Variants in KCNIP4 observed in about 807,000 individuals in gnomAD.
KCNIP4 encodes Kv channel-interacting protein 4.
Under a neutral mutation model 34.0 loss-of-function variants are expected in KCNIP4, and 12 were observed. The ratio of observed to expected loss-of-function variants is 0.35; its 90% confidence interval spans 0.23 to 0.57. KCNIP4 has a LOEUF of 0.57. KCNIP4 is among the 20% of genes least tolerant of loss of function. The probability of loss-of-function intolerance (pLI) is 0.83; values close to 1 mark genes in which losing one functional copy is unlikely to be tolerated. For synonymous variants in KCNIP4, 124 were observed against 102.2 expected (o/e 1.21, Z -1.29); for missense variants, 238 against 311.7 (o/e 0.76, Z 1.78).
intron 1 of KCNIP4, among the ~76,000 whole-genome samples, chr4:21,171,011 C>T (rs1753986644): frequency 6.6e-6 from 1 of 152,112 alleles, no homozygotes; most frequent in South Asian, 2.1e-4. Flanking sequence ...CTTTTTAACT[C>T]TAACTTGTAG....
chr4:21,668,682 T>C (rs1243539553), intron 1 of KCNIP4, among the ~76,000 whole-genome samples: 1 of 152,168 alleles, frequency 6.6e-6, no homozygotes. Context: ...TCTTTGATAA[T>C]CCACAAAAGT....
chr4:21,334,173 C>T (rs1715929016), intron 1 of KCNIP4, among the ~76,000 whole-genome samples: 2 of 152,002 alleles, frequency 1.3e-5, no homozygotes, highest in Non-Finnish European at 1.5e-5. Flanking sequence ...TCAAGTCTCT[C>T]CTCCACTCTG....
In KCNIP4 at chr4:20,949,836, C is replaced by T. The variant is rs538673502; in HGVS notation, c.62-67127G>A. On this transcript the variant is annotated intron_variant, in intron 1 of 8. Transcript: ENST00000382152. ...GAATACATGGACACAGGAAGGGGAACGTCACACTCTGGGGACGGTTGGGGG... is the reference window on the plus strand; with the variant it reads ...GAATACATGGACACAGGAAGGGGAATGTCACACTCTGGGGACGGTTGGGGG... Among the ~76,000 whole-genome samples, 649 of 128,616 alleles carry T rather than the reference C, an allele frequency of 5.0e-3. 3 individuals are homozygous for T. The highest frequency in any genetic ancestry group is 7.7e-3 in the Non-Finnish European group (493 of 64,280). The allele number at this position is 128,616 out of a possible 152,430, so 84.4% of individuals were successfully genotyped here.
intron 5 of KCNIP4, among the ~76,000 whole-genome samples, chr4:20,736,968 GTAGAA>G (rs1454283980): frequency 6.6e-6 from 1 of 152,154 alleles, no homozygotes; most frequent in Non-Finnish European, 1.5e-5. Context: ...ATATAGAACA[GTAGAA>G]TAGAATTGAG....
At chr4:21,401,294 T>G (rs978256988) in intron 1 of KCNIP4, among the ~76,000 whole-genome samples, 1 of 152,238 alleles carries the variant, frequency 6.6e-6, no homozygotes, top group African/African-American at 2.4e-5. Flanking sequence ...CAGTCTAGAA[T>G]AATCTCATTT....
At chr4:21,191,221 C>T (rs1045534637) in intron 1 of KCNIP4, among the ~76,000 whole-genome samples, 1 of 152,132 alleles carries the variant, frequency 6.6e-6, no homozygotes, top group African/African-American at 2.4e-5. Flanking sequence ...TTCTGAGTCA[C>T]CTTTTCAGCA....
chr4:21,437,880 AGT>A (rs71655635), intron 1 of KCNIP4, among the ~76,000 whole-genome samples: 43,715 of 142,858 alleles, frequency 0.31, 6,551 homozygotes, highest in East Asian at 0.41. Context: ...TTATTTTACA[AGT>A]GTGTGTGTGT....
intron 1 of KCNIP4, among the ~76,000 whole-genome samples, chr4:21,444,426 CATG>C (rs1171629432): frequency 6.6e-6 from 1 of 152,268 alleles, no homozygotes; most frequent in African/African-American, 2.4e-5. Flanking sequence ...GCTTATCCAC[CATG>C]ATCAAGTGGG....
In KCNIP4 at chr4:21,232,398, T is replaced by A. The variant is rs116237547; in HGVS notation, c.62-349689A>T. ...TGGACTTTATCATTGACTATACAGA[T>A]AAAAAGAAGGAATTCAATAAAAGAA... On this transcript the variant is annotated intron_variant, in intron 1 of 8. Transcript: ENST00000382152. Among the ~76,000 whole-genome samples the A allele has an allele frequency of 7.2e-3, 1,096 of 152,196 alleles. 15 individuals are homozygous for A. Among genetic ancestry groups the A allele is most frequent in the African/African-American group, 0.026 (1,064 of 41,534 alleles).
At chr4:21,665,125 T>C (rs1748744384) in intron 1 of KCNIP4, among the ~76,000 whole-genome samples, 1 of 152,162 alleles carries the variant, frequency 6.6e-6, no homozygotes, top group Admixed American at 6.5e-5. Flanking sequence ...AATAAATCAC[T>C]TCTGTTATTT....
chr4:21,883,818 T>G (rs145239091), intron 1 of KCNIP4, among the ~76,000 whole-genome samples: 1 of 152,220 alleles, frequency 6.6e-6, no homozygotes, highest in East Asian at 1.9e-4. Flanking sequence ...CAATAGCTTA[T>G]TGATGAAACA....
intron 1 of KCNIP4, among the ~76,000 whole-genome samples, chr4:20,902,205 C>T (rs967858216): frequency 6.6e-6 from 1 of 152,126 alleles, no homozygotes; most frequent in Non-Finnish European, 1.5e-5. Flanking sequence ...AGGGTTGATA[C>T]ACTTCAAAAA....
chr4:21,598,515 G>C (rs575520928), intron 1 of KCNIP4, among the ~76,000 whole-genome samples: 21 of 152,114 alleles, frequency 1.4e-4, no homozygotes, highest in African/African-American at 5.1e-4. Context: ...ACAAAACCAG[G>C]CAGGCAGCAG....
intron 1 of KCNIP4, among the ~76,000 whole-genome samples, chr4:21,263,993 A>G (rs1246284219): frequency 5.4e-5 from 8 of 148,340 alleles, no homozygotes; most frequent in African/African-American, 1.7e-4. Context: ...GTGTGTGTGT[A>G]TCCTTATCTG....
chr4:21,678,765 G>A, intron 1 of KCNIP4, among the ~76,000 whole-genome samples: 1 of 152,086 alleles, frequency 6.6e-6, no homozygotes, highest in Non-Finnish European at 1.5e-5. Context: ...AGTCTATCTT[G>A]ACTACTCTAT....
intron 1 of KCNIP4, among the ~76,000 whole-genome samples, chr4:21,297,149 T>C (rs1763890575): frequency 6.6e-6 from 1 of 151,714 alleles, no homozygotes; most frequent in African/African-American, 2.4e-5. Flanking sequence ...ATAATTGTTA[T>C]TTGAATGTGG....
At chr4:21,439,666 C>T (rs969651479) in intron 1 of KCNIP4, among the ~76,000 whole-genome samples, 2 of 152,182 alleles carry the variant, frequency 1.3e-5, no homozygotes, top group African/African-American at 2.4e-5. Flanking sequence ...GCTAACACAT[C>T]CCTTCTCCCT....
intron 1 of KCNIP4, among the ~76,000 whole-genome samples, chr4:21,226,168 T>G (rs913974373): frequency 7.0e-6 from 1 of 143,682 alleles, no homozygotes; most frequent in Non-Finnish European, 1.5e-5. Context: ...TATCTTCATT[T>G]TGGGTGGCTG....
intron 1 of KCNIP4, among the ~76,000 whole-genome samples, chr4:21,730,798 C>T (rs996340052): frequency 4.6e-5 from 7 of 152,046 alleles, no homozygotes; most frequent in Non-Finnish European, 8.8e-5. Flanking sequence ...GTCACTTGAT[C>T]CTGGTTATTG....
Sources: gnomAD v4.1 joint callset for allele counts (sites outside exome capture counted in the v4.1 genomes callset) on GRCh38, gnomAD v4.1.1 for gene constraint, MANE v1.5 for transcripts, NCBI Gene and HGNC (gene_info 2026-07-23, HGNC 2026-07-21) for gene names.